The following MTUS2 variants were observed in gnomAD, a reference collection of about 807,000 sequenced individuals.
MTUS2 encodes the protein microtubule associated scaffold protein 2.
A neutral mutation model predicts 114.1 loss-of-function variants in MTUS2; 40 were observed. The ratio of observed to expected loss-of-function variants is 0.35; its 90% CI spans 0.27 to 0.46. MTUS2 has a LOEUF of 0.46. MTUS2 is among the 20% of genes least tolerant of loss of function. The pLI, the probability that MTUS2 is intolerant of heterozygous loss-of-function variation, is 1.00. For synonymous variants in MTUS2, 688 were observed against 672.0 expected, an observed-to-expected ratio of 1.02 and a Z score of -0.37; for missense variants, 1,679 against 1,705.4, an observed-to-expected ratio of 0.98 and a Z score of 0.27.
At chr13:28,845,239 C>A (rs775255421) in intron 2 of MTUS2, among the ~76,000 whole-genome samples, 4 of 152,198 alleles carry the variant, frequency 2.6e-5, no homozygotes, top group Non-Finnish European at 5.9e-5. Context: ...CGTGAGCCAC[C>A]GCTCCTGGCT....
At chr13:28,873,118 A>G (rs1393224532) in intron 2 of MTUS2, among the ~76,000 whole-genome samples, 1 of 152,224 alleles carries the variant, frequency 6.6e-6, no homozygotes, top group Non-Finnish European at 1.5e-5. Context: ...CAAAATAAAT[A>G]TATTTTTAGA....
At chr13:28,987,127 C>A (rs919937507) in intron 2 of MTUS2, among the ~76,000 whole-genome samples, 1 of 152,156 alleles carries the variant, frequency 6.6e-6, no homozygotes, top group Non-Finnish European at 1.5e-5. Context: ...AAAGCTGGAC[C>A]CCTCGGACTC....
At chr13:28,831,951 ACAGGCTTTCACTATGTTGGC>A (rs1166050130) in intron 1 of MTUS2, among the ~76,000 whole-genome samples, 3 of 151,254 alleles carry the variant, frequency 2.0e-5, no homozygotes, top group African/African-American at 4.9e-5. Context: ...TTTAGTAGAG[ACAGGCTTTCACTATGTTGGC>A]CAGGCTTGTC....
chr13:29,360,296 T>G (rs1237090658), intron 8 of MTUS2, among the ~76,000 whole-genome samples: 2 of 152,190 alleles, frequency 1.3e-5, no homozygotes, highest in Non-Finnish European at 2.9e-5. Flanking sequence ...AATAAGAAAG[T>G]GAATTAACGA....
chr13:29,046,203 C>T (rs1454002553), intron 4 of MTUS2, among the ~76,000 whole-genome samples: 1 of 151,882 alleles, frequency 6.6e-6, no homozygotes, highest in Non-Finnish European at 1.5e-5. Context: ...GCCTCGACCT[C>T]CCAGGCTTGA....
chr13:29,252,789 G>T (rs1440374216), intron 5 of MTUS2, among the ~76,000 whole-genome samples: 1 of 152,070 alleles, frequency 6.6e-6, no homozygotes, highest in East Asian at 1.9e-4. Context: ...TTTATAAGGG[G>T]TTTCCCCTTT....
intron 8 of MTUS2, among the ~76,000 whole-genome samples, chr13:29,403,904 T>A (rs1337908878): frequency 1.3e-5 from 2 of 152,078 alleles, no homozygotes; most frequent in African/African-American, 2.4e-5. Context: ...ATTTTTCCCA[T>A]CTTTGTATAC....
chr13:29,406,117 A>G (rs1425926702), intron 8 of MTUS2, among the ~76,000 whole-genome samples: 1 of 152,154 alleles, frequency 6.6e-6, no homozygotes, highest in Admixed American at 6.5e-5. Flanking sequence ...CATATTTCAG[A>G]TAGAGGCATA....
intron 1 of MTUS2, among the ~76,000 whole-genome samples, chr13:28,835,032 A>C (rs187712736): frequency 1.3e-5 from 2 of 152,342 alleles, no homozygotes; most frequent in East Asian, 3.9e-4. Flanking sequence ...GTTGGTGAAG[A>C]TATGGAAATG....
intron 1 of MTUS2, among the ~76,000 whole-genome samples, chr13:28,826,785 A>G (rs920866448): frequency 2.6e-5 from 4 of 152,256 alleles, no homozygotes; most frequent in African/African-American, 4.8e-5. Flanking sequence ...AGCCAGGAAT[A>G]TATAGCCTTG....
At chr13:29,318,391 C>CTTTTTTTTTTTTTTTTTTTTTCTTTTTT (rs71090240) in intron 6 of MTUS2, among the ~76,000 whole-genome samples, 1 of 135,038 alleles carries the variant, frequency 7.4e-6, no homozygotes, top group Non-Finnish European at 1.5e-5. Context: ...ATTTCTTTTT[C>CTTTTTTTTTTTTTTTTTTTTTCTTTTTT]TTTTTTTTTT....
At chr13:29,413,409 C>T (rs985673067) in intron 8 of MTUS2, among the ~76,000 whole-genome samples, 42 of 148,158 alleles carry the variant, frequency 2.8e-4, no homozygotes, top group Middle Eastern at 3.4e-3. Flanking sequence ...GACTTCATGT[C>T]CAAAACACCA....
At chr13:29,269,733 C>T (rs990232025) in intron 5 of MTUS2, among the ~76,000 whole-genome samples, 2 of 152,100 alleles carry the variant, frequency 1.3e-5, no homozygotes, top group African/African-American at 4.8e-5. Flanking sequence ...GCATTGAAAT[C>T]GGGGTCTCAA....
At chr13:28,956,376 G>A (rs916281975) in intron 2 of MTUS2, among the ~76,000 whole-genome samples, 1 of 152,062 alleles carries the variant, frequency 6.6e-6, no homozygotes, top group Non-Finnish European at 1.5e-5. Context: ...TGCCACATCA[G>A]TTCAATAGGG....
chr13:29,034,217 T>C (rs1886962300), intron 4 of MTUS2, 92 bp downstream of exon 4: 1 of 1,546,530 alleles, frequency 6.5e-7, no homozygotes, highest in African/African-American at 1.4e-5. Context: ...ATGAATGCCT[T>C]TCATCCTTTA....
intron 5 of MTUS2, among the ~76,000 whole-genome samples, chr13:29,117,709 G>T (rs913050334): frequency 3.3e-5 from 5 of 152,156 alleles, no homozygotes; most frequent in Admixed American, 1.3e-4. Flanking sequence ...CCATTTATTA[G>T]AAACTCTGTG....
chr13:29,004,444 G>C (rs1159131328), intron 2 of MTUS2, among the ~76,000 whole-genome samples: 3 of 152,132 alleles, frequency 2.0e-5, no homozygotes, highest in Non-Finnish European at 4.4e-5. Context: ...TTATATAGTA[G>C]ACAAACCTTT....
intron 2 of MTUS2, among the ~76,000 whole-genome samples, chr13:28,938,255 G>A (rs547273155): frequency 1.3e-5 from 2 of 152,086 alleles, no homozygotes; most frequent in East Asian, 1.9e-4. Context: ...GGTGTCGCGT[G>A]CCTGTAGTCC....
At chr13:29,425,402 T>G (rs1876437179) in intron 8 of MTUS2, among the ~76,000 whole-genome samples, 1 of 150,698 alleles carries the variant, frequency 6.6e-6, no homozygotes, top group Admixed American at 6.6e-5. Context: ...TGAGACTCTG[T>G]CTCAACAAAC....
Sources: allele counts gnomAD v4.1 joint callset (sites outside exome capture counted in the v4.1 genomes callset), GRCh38; gene constraint gnomAD v4.1.1; transcripts MANE v1.5; gene names NCBI Gene and HGNC (gene_info 2026-07-23, HGNC 2026-07-21).